The following SMOC2 variants were observed in gnomAD, a reference collection of about 807,000 sequenced individuals.
The protein encoded by SMOC2 is SPARC-related modular calcium-binding protein 2.
In SMOC2, 39 loss-of-function variants were observed where a neutral mutation model predicts 61.4. The ratio of observed to expected loss-of-function variants is 0.64; its 90% confidence interval spans 0.49 to 0.83. The LOEUF (loss-of-function observed/expected upper bound fraction) is 0.83. Among genes scored for constraint, SMOC2 ranks in the 40% least tolerant of loss-of-function variants. SMOC2 has a pLI of 0.00. For synonymous variants in SMOC2, 247 were observed against 239.9 expected, an observed-to-expected ratio of 1.03 and a Z score of -0.27; for missense variants, 556 against 592.9, an observed-to-expected ratio of 0.94 and a Z score of 0.65.
intron 9 of SMOC2, among the ~76,000 whole-genome samples, chr6:168,635,870 C>CA (rs373754531): frequency 0.22 from 29,777 of 136,758 alleles, 3,643 homozygotes; most frequent in Admixed American, 0.34. Context: ...GACTCTGTCT[C>CA]AAAAAAAAAA....
At chr6:168,581,791 C>T (rs368583191) in intron 7 of SMOC2, among the ~76,000 whole-genome samples, 1 of 152,026 alleles carries the variant, frequency 6.6e-6, no homozygotes, top group African/African-American at 2.4e-5. Flanking sequence ...CTCCCTGCAG[C>T]CCCCCTCCCC....
At chr6:168,502,191 C>G (rs1333371526) in intron 1 of SMOC2, among the ~76,000 whole-genome samples, 1 of 152,238 alleles carries the variant, frequency 6.6e-6, no homozygotes, top group African/African-American at 2.4e-5. Flanking sequence ...GCTCCAAGGG[C>G]TTCTTGCAAA....
intron 1 of SMOC2, among the ~76,000 whole-genome samples, chr6:168,449,828 C>G (rs1562535200): frequency 6.6e-6 from 1 of 152,132 alleles, no homozygotes; most frequent in Admixed American, 6.5e-5. Context: ...TTTCAAAGGA[C>G]AATTGAGTTA....
chr6:168,467,908 T>C (rs754982919), intron 1 of SMOC2, among the ~76,000 whole-genome samples: 40 of 152,252 alleles, frequency 2.6e-4, no homozygotes, highest in Non-Finnish European at 4.6e-4. Flanking sequence ...TTATTTGTTA[T>C]GCAAAAGGAT....
At chr6:168,443,967 G>T (rs1271270318) in intron 1 of SMOC2, among the ~76,000 whole-genome samples, 1 of 152,166 alleles carries the variant, frequency 6.6e-6, no homozygotes, top group Admixed American at 6.5e-5. Context: ...CTTTTAATGC[G>T]CCTACTATAT....
In SMOC2 at chr6:168,608,086, G is replaced by A. The variant is rs905993390; in HGVS notation, c.825-71G>A. On this transcript the variant is annotated intron_variant, in intron 8 of 12. Coordinates refer to ENST00000356284, the MANE Select transcript of SMOC2 (RefSeq NM_001166412.2). Reference sequence around the variant, plus strand: ...GCTAGGGTAGGACACTCCAGAAATGGAAGACAAACCACAGCTGGTCTCAAG... The same window carrying A: ...GCTAGGGTAGGACACTCCAGAAATGAAAGACAAACCACAGCTGGTCTCAAG... 3 of 1,438,660 alleles carry A rather than the reference G, an allele frequency of 2.1e-6. No homozygotes were observed. In the African/African-American group the frequency reaches 4.2e-5, roughly 20 times the overall value. 89.1% of individuals were successfully genotyped at this position (1,438,660 alleles called of 1,614,324 possible). A position where few individuals can be genotyped will look rare whatever the true frequency, so the allele number is the denominator to read the frequency against.
At chr6:168,510,296 C>G (rs2115052306) in intron 2 of SMOC2, among the ~76,000 whole-genome samples, 1 of 152,248 alleles carries the variant, frequency 6.6e-6, no homozygotes, top group East Asian at 1.9e-4. Flanking sequence ...CTTAGAATGC[C>G]TTATTCCACC....
At chr6:168,577,659 C>T (rs1045725946) in intron 7 of SMOC2, among the ~76,000 whole-genome samples, 6 of 152,184 alleles carry the variant, frequency 3.9e-5, no homozygotes, top group African/African-American at 1.4e-4. Flanking sequence ...CAGCATCTCC[C>T]AGCAGTGATT....
At chr6:168,552,774 A>G (rs2115111518) in intron 7 of SMOC2, among the ~76,000 whole-genome samples, 1 of 152,186 alleles carries the variant, frequency 6.6e-6, no homozygotes, top group East Asian at 1.9e-4. Flanking sequence ...TAAGTCAGGC[A>G]GAATTCCTTC....
At chr6:168,615,195 A>G (rs1483935966) in intron 9 of SMOC2, among the ~76,000 whole-genome samples, 3 of 77,104 alleles carry the variant, frequency 3.9e-5, no homozygotes, top group Non-Finnish European at 7.7e-5. Flanking sequence ...ACCTACAGCC[A>G]GCACAGGGCC....
At chr6:168,634,045 A>G (rs112670556) in intron 9 of SMOC2, among the ~76,000 whole-genome samples, 3,254 of 152,290 alleles carry the variant, frequency 0.021, 58 homozygotes, top group Non-Finnish European at 0.034. Flanking sequence ...CCCTTCTGCC[A>G]TGATTGTAAG....
At chr6:168,659,522 T>TGAGGGTGGAGGTTGTAGTA (rs1787423083) in intron 11 of SMOC2, among the ~76,000 whole-genome samples, 7 of 83,672 alleles carry the variant, frequency 8.4e-5, no homozygotes, top group Non-Finnish European at 1.3e-4. Context: ...AGGTTGTAGG[T>TGAGGGTGGAGGTTGTAGTA]TGGGTGAGGA....
In SMOC2 at chr6:168,551,185, G is replaced by A. The variant is rs528917626; in HGVS notation, c.637+1982G>A. On this transcript the variant is annotated intron_variant, in intron 7 of 12. Transcript: ENST00000356284. ...TGCTGGCTTGTGATGAAGGTGCCTT[G>A]CTTCCCTTCACCTTCTGCCATGATG... 3.6e-3 allele frequency among the ~76,000 whole-genome samples: 546 copies of A among 152,258 alleles called. 8 individuals carry two copies. Among genetic ancestry groups the A allele is most frequent in the Non-Finnish European group, 1.5e-3 (99 of 68,030 alleles).
chr6:168,471,031 T>G (rs1470285540), intron 1 of SMOC2, among the ~76,000 whole-genome samples: 3 of 152,210 alleles, frequency 2.0e-5, no homozygotes, highest in Non-Finnish European at 4.4e-5. Flanking sequence ...TTTTGTAATA[T>G]TGTTGTAATT....
intron 4 of SMOC2, among the ~76,000 whole-genome samples, chr6:168,531,381 C>A (rs528358767): frequency 6.6e-6 from 1 of 152,200 alleles, no homozygotes; most frequent in African/African-American, 2.4e-5. Flanking sequence ...AAACGTGCAA[C>A]GCCACTGAAA....
At chr6:168,638,695 T>G (rs1239157355) in intron 9 of SMOC2, among the ~76,000 whole-genome samples, 1 of 152,018 alleles carries the variant, frequency 6.6e-6, no homozygotes, top group Non-Finnish European at 1.5e-5. Context: ...ACTGCGAAGG[T>G]GCCCCGGGCT....
At chr6:168,601,320 G>A (rs529274981) in intron 8 of SMOC2, among the ~76,000 whole-genome samples, 3 of 152,194 alleles carry the variant, frequency 2.0e-5, no homozygotes, top group South Asian at 4.1e-4. Context: ...TCCACCGTCC[G>A]GCCGCCCTGG....
At chr6:168,459,634 CCTGGGGTGGGTGAG>C (rs1382163423) in intron 1 of SMOC2, among the ~76,000 whole-genome samples, 9 of 62,802 alleles carry the variant, frequency 1.4e-4, no homozygotes, top group African/African-American at 4.5e-4. Context: ...GTGGGTGGGC[CCTGGGGTGGGTGAG>C]CTGGGGTGGG....
Position 168,635,870 on chromosome 6 carries a change from C to CAAAA in SMOC2, c.908-14799_908-14796dup, listed in dbSNP as rs373754531. Among the ~76,000 whole-genome samples, 207 of 136,882 alleles carry CAAAA rather than the reference C, an allele frequency of 1.5e-3. 1 individual carries two copies. The highest frequency in any genetic ancestry group is 2.0e-3 in the Admixed American group (28 of 13,796). 89.8% of individuals were successfully genotyped at this position (136,882 alleles called of 152,430 possible). A position where few individuals can be genotyped will look rare whatever the true frequency, so the allele number is the denominator to read the frequency against. ...TGGGCAACAGAACAAGACTCTGTCTCAAAAAAAAAAAAAAAGTTTACTGGT... is the reference window on the plus strand; with the variant it reads ...TGGGCAACAGAACAAGACTCTGTCTCAAAAAAAAAAAAAAAAAAAGTTTACTGGT... On this transcript the variant is annotated intron_variant, in intron 9 of 12. Coordinates refer to ENST00000356284, the MANE Select transcript of SMOC2 (RefSeq NM_001166412.2).
Sources: gnomAD v4.1 joint callset for allele counts (sites outside exome capture counted in the v4.1 genomes callset) on GRCh38, gnomAD v4.1.1 for gene constraint, MANE v1.5 for transcripts, NCBI Gene and HGNC (gene_info 2026-07-23, HGNC 2026-07-21) for gene names.